The following IFT25 variants were observed in gnomAD, a reference collection of about 807,000 sequenced individuals.
The protein encoded by IFT25 is intraflagellar transport protein 25 homolog.
chr1:53,923,171 A>G, the IFT25 span, among the ~76,000 whole-genome samples: 5 of 152,220 alleles, frequency 3.3e-5, no homozygotes, highest in African/African-American at 1.2e-4. Flanking sequence ...AAAACTTCCT[A>G]CAGAATTTTT....
the IFT25 span, among the ~76,000 whole-genome samples, chr1:53,926,904 T>C: frequency 8.6e-5 from 13 of 152,040 alleles, no homozygotes; most frequent in Admixed American, 8.5e-4. Context: ...TAATTTTTTT[T>C]TGTAGAGACA....
chr1:53,944,619 G>A, the IFT25 span, among the ~76,000 whole-genome samples: 1 of 152,348 alleles, frequency 6.6e-6, no homozygotes, highest in Non-Finnish European at 1.5e-5. Flanking sequence ...ACTCCAGCGT[G>A]GGCGACGAGC....
chr1:53,922,199 A>T, the IFT25 span, among the ~76,000 whole-genome samples: 1 of 152,226 alleles, frequency 6.6e-6, no homozygotes, highest in African/African-American at 2.4e-5. Flanking sequence ...GTTTGAGAAC[A>T]GCCTAACCAA....
At chr1:53,944,621 G>T in the IFT25 span, among the ~76,000 whole-genome samples, 1 of 152,210 alleles carries the variant, frequency 6.6e-6, no homozygotes, top group Admixed American at 6.5e-5. Context: ...TCCAGCGTGG[G>T]CGACGAGCGA....
At chr1:53,913,557 T>C in the IFT25 span, among the ~76,000 whole-genome samples, 1 of 152,204 alleles carries the variant, frequency 6.6e-6, no homozygotes, top group Non-Finnish European at 1.5e-5. Flanking sequence ...GAGTAGCCTA[T>C]TATTAACTAA....
chr1:53,946,228 A>C, the IFT25 span: 48 of 149,924 alleles, frequency 3.2e-4, 1 homozygote, highest in South Asian at 9.1e-3. Flanking sequence ...ACGCACGCGC[A>C]GGGCCCACCT....
the IFT25 span, among the ~76,000 whole-genome samples, chr1:53,925,945 T>C: frequency 4.0e-4 from 60 of 151,050 alleles, 3 homozygotes; most frequent in Non-Finnish European, 4.4e-5. Flanking sequence ...CTACCAAAAA[T>C]ACAAAAATTA....
the IFT25 span, among the ~76,000 whole-genome samples, chr1:53,919,088 C>T: frequency 6.6e-6 from 1 of 152,320 alleles, no homozygotes; most frequent in East Asian, 1.9e-4. Context: ...ATTTGCCCAC[C>T]TCGGCCTCCC....
At chr1:53,931,211 T>C in the IFT25 span, among the ~76,000 whole-genome samples, 1 of 152,220 alleles carries the variant, frequency 6.6e-6, no homozygotes, top group Non-Finnish European at 1.5e-5. Context: ...TTTTAATTGC[T>C]TGCAGCTTTT....
chr1:53,931,398 C>A, the IFT25 span, among the ~76,000 whole-genome samples: 1 of 152,162 alleles, frequency 6.6e-6, no homozygotes, highest in Non-Finnish European at 1.5e-5. Context: ...GCTCCATTTT[C>A]TTTCTTGTCA....
the IFT25 span, among the ~76,000 whole-genome samples, chr1:53,934,671 G>C: frequency 0.075 from 11,447 of 152,234 alleles, 777 homozygotes; most frequent in African/African-American, 0.18. Context: ...ACTGATATGT[G>C]CTACAACATG....
At chr1:53,926,055 T>C in the IFT25 span, among the ~76,000 whole-genome samples, 1 of 148,298 alleles carries the variant, frequency 6.7e-6, no homozygotes, top group African/African-American at 2.5e-5. Context: ...TGAGCCGAGA[T>C]TGCGCCACTG....
chr1:53,940,370 A>G, the IFT25 span, among the ~76,000 whole-genome samples: 2 of 152,210 alleles, frequency 1.3e-5, no homozygotes, highest in South Asian at 4.1e-4. Context: ...GTACAGGAAG[A>G]AGGTCAACCG....
At chr1:53,940,538 TAAAC>T in the IFT25 span, among the ~76,000 whole-genome samples, 1 of 152,162 alleles carries the variant, frequency 6.6e-6, no homozygotes, top group Non-Finnish European at 1.5e-5. Context: ...TGAGTGTTAA[TAAAC>T]ATTCAATTAT....
the IFT25 span, among the ~76,000 whole-genome samples, chr1:53,922,123 A>G: frequency 2.6e-5 from 4 of 152,188 alleles, no homozygotes; most frequent in South Asian, 2.1e-4. Context: ...AGCTGGGCTC[A>G]GTGGCTCACA....
At chr1:53,943,421 G>C in the IFT25 span, among the ~76,000 whole-genome samples, 1 of 152,162 alleles carries the variant, frequency 6.6e-6, no homozygotes, top group South Asian at 2.1e-4. Flanking sequence ...ACTGGGTGTA[G>C]ATTTTGGCCT....
chr1:53,939,869 C>T, the IFT25 span: 8 of 655,484 alleles, frequency 1.2e-5, no homozygotes, highest in Non-Finnish European at 2.2e-5. Context: ...ATCAGGTAAT[C>T]CACCAAACAT....
At chr1:53,945,993 G>C in the IFT25 span, 1 of 147,400 alleles carries the variant, frequency 6.8e-6, no homozygotes, top group African/African-American at 2.5e-5. Context: ...CCTCGCGGCG[G>C]CCTCGGCCCC....
At chr1:53,926,279 G>A in the IFT25 span, among the ~76,000 whole-genome samples, 5 of 151,674 alleles carry the variant, frequency 3.3e-5, no homozygotes, top group Non-Finnish European at 7.4e-5. Context: ...CCAAGCAGCT[G>A]GGACTACAGG....
Sources: gnomAD v4.1 joint callset for allele counts (sites outside exome capture counted in the v4.1 genomes callset) on GRCh38, gnomAD v4.1.1 for gene constraint, MANE v1.5 for transcripts, NCBI Gene and HGNC (gene_info 2026-07-23, HGNC 2026-07-21) for gene names.